Variants in ENKUR observed in about 807,000 individuals in gnomAD.
ENKUR encodes the protein enkurin.
A neutral mutation model predicts 27.6 loss-of-function variants in ENKUR; 19 were observed. The ratio of observed to expected loss-of-function variants is 0.69; its 90% CI spans 0.48 to 1.01. ENKUR has a LOEUF of 1.01. ENKUR is among the 50% of genes least tolerant of loss of function. The pLI, the probability that ENKUR is intolerant of heterozygous loss-of-function variation, is 0.00. For missense variants in ENKUR, 312 were observed against 310.5 expected, an observed-to-expected ratio of 1.00 and a Z score of -0.04; for synonymous variants, 117 against 96.9, an observed-to-expected ratio of 1.21 and a Z score of -1.22.
chr10:24,992,546 C>G (rs1472451127), intron 3 of ENKUR, among the ~76,000 whole-genome samples: 1 of 152,160 alleles, frequency 6.6e-6, no homozygotes, highest in Admixed American at 6.5e-5. Flanking sequence ...CGATAGGAGT[C>G]TTAAGAATTA....
rs71399946 is a variant in ENKUR, at chr10:25,027,357, C to CAAAA, written c.38-31492_38-31489dup. ...GGGTGACAGAGCAAGACTCCCGTCT[C>CAAAA]AAAAAAAAAAAAAAAAAAAAAAAAA... On this transcript the variant is annotated intron_variant, in intron 2 of 5. Transcript: ENST00000615958. 3.5e-3 allele frequency among the ~76,000 whole-genome samples: 168 copies of CAAAA among 48,470 alleles called. 16 individuals carry two copies. Among genetic ancestry groups the CAAAA allele is most frequent in the African/African-American group, 0.014 (126 of 9,244 alleles). 31.8% of individuals were successfully genotyped at this position (48,470 alleles called of 152,430 possible).
chr10:25,049,949 C>T (rs552922666), intron 2 of ENKUR, among the ~76,000 whole-genome samples: 1 of 152,194 alleles, frequency 6.6e-6, no homozygotes, highest in South Asian at 2.1e-4. Flanking sequence ...CATGGTTCTG[C>T]AGGCTGTACA....
intron 2 of ENKUR, among the ~76,000 whole-genome samples, chr10:25,043,185 C>T (rs1851084553): frequency 6.6e-6 from 1 of 151,964 alleles, no homozygotes; most frequent in Non-Finnish European, 1.5e-5. Flanking sequence ...TCTTTTCTCC[C>T]CTTTCTACAC....
At chr10:25,022,311 G>A (rs1850737633) in intron 2 of ENKUR, among the ~76,000 whole-genome samples, 1 of 152,124 alleles carries the variant, frequency 6.6e-6, no homozygotes, top group South Asian at 2.1e-4. Context: ...CATTCCTGAG[G>A]TTCTTGGCTG....
chr10:25,032,322 G>T (rs867189349), intron 2 of ENKUR, among the ~76,000 whole-genome samples: 18 of 148,602 alleles, frequency 1.2e-4, no homozygotes, highest in African/African-American at 4.5e-4. Flanking sequence ...GAAGGGGGGG[G>T]GGCTATGATC....
At chr10:25,048,303 G>T (rs985397103) in intron 2 of ENKUR, among the ~76,000 whole-genome samples, 1 of 152,044 alleles carries the variant, frequency 6.6e-6, no homozygotes, top group African/African-American at 2.4e-5. Flanking sequence ...GTTAGCCTTG[G>T]GTTATAGGGG....
intron 2 of ENKUR, among the ~76,000 whole-genome samples, chr10:25,051,247 G>A (rs1851183937): frequency 6.6e-6 from 1 of 152,156 alleles, no homozygotes. Flanking sequence ...TAGAGAATAA[G>A]CATTTCTACA....
chr10:24,996,558 C>T (rs1164883414), intron 2 of ENKUR, among the ~76,000 whole-genome samples: 1 of 151,996 alleles, frequency 6.6e-6, no homozygotes, highest in East Asian at 1.9e-4. Context: ...TCCCATTGAT[C>T]TATTTTAATA....
At chr10:25,023,684 T>C (rs35827877) in intron 2 of ENKUR, 3 of 1,614,088 alleles carry the variant, frequency 1.9e-6, no homozygotes, top group Non-Finnish European at 2.5e-6. Flanking sequence ...ATTGTATACC[T>C]GGATGTACCT....
intron 2 of ENKUR, among the ~76,000 whole-genome samples, chr10:25,048,179 G>A (rs1851141643): frequency 6.6e-6 from 1 of 152,174 alleles, no homozygotes; most frequent in Non-Finnish European, 1.5e-5. Flanking sequence ...AGGTCATGGG[G>A]TGGAAGTAAG....
At chr10:25,022,498 T>C (rs553878426) in intron 2 of ENKUR, among the ~76,000 whole-genome samples, 1 of 152,342 alleles carries the variant, frequency 6.6e-6, no homozygotes, top group East Asian at 1.9e-4. Context: ...TTTTAAAGCC[T>C]TCAATATGAA....
chr10:25,058,930 TAAAA>T (rs67424973), intron 2 of ENKUR, among the ~76,000 whole-genome samples: 5 of 137,576 alleles, frequency 3.6e-5, no homozygotes, highest in Admixed American at 7.3e-5. Flanking sequence ...GACTCCATCT[TAAAA>T]AAAAAAAAAA....
intron 1 of ENKUR, among the ~76,000 whole-genome samples, chr10:25,007,356 T>C (rs1382155894): frequency 6.6e-6 from 1 of 152,234 alleles, no homozygotes; most frequent in Non-Finnish European, 1.5e-5. Flanking sequence ...TTTATGTATA[T>C]ATGAAATGCC....
intron 1 of ENKUR, among the ~76,000 whole-genome samples, chr10:25,012,973 A>T (rs148193454): frequency 4.6e-5 from 7 of 152,146 alleles, no homozygotes; most frequent in African/African-American, 1.7e-4. Flanking sequence ...GGATCTGGTG[A>T]TAGGTAATTG....
At chr10:25,034,004 T>C (rs182396762) in intron 2 of ENKUR, among the ~76,000 whole-genome samples, 1 of 152,128 alleles carries the variant, frequency 6.6e-6, no homozygotes, top group Admixed American at 6.6e-5. Context: ...CAAATACAGA[T>C]TTAGGAAAAA....
intron 2 of ENKUR, chr10:25,024,641 G>C (rs1850804662): frequency 6.2e-7 from 1 of 1,614,082 alleles, no homozygotes; most frequent in African/African-American, 1.3e-5. Flanking sequence ...TCCATAAACT[G>C]GGGCCGACTA....
chr10:25,049,999 AG>A (rs1851167757), intron 2 of ENKUR, among the ~76,000 whole-genome samples: 1 of 152,118 alleles, frequency 6.6e-6, no homozygotes, highest in African/African-American at 2.4e-5. Context: ...TGAGGGCCTC[AG>A]GAAGCTTCCA....
At chr10:25,024,342 G>T (rs1178637961) in intron 2 of ENKUR, 1 of 1,614,000 alleles carries the variant, frequency 6.2e-7, no homozygotes, top group African/African-American at 1.3e-5. Context: ...GCAATTATAT[G>T]ATACTTGTAG....
At chr10:25,051,652 C>T (rs933357339) in intron 2 of ENKUR, among the ~76,000 whole-genome samples, 7 of 152,178 alleles carry the variant, frequency 4.6e-5, no homozygotes, top group Non-Finnish European at 8.8e-5. Context: ...ATGAGCAATC[C>T]ACCCCCATGA....
Sources: gnomAD v4.1 joint callset for allele counts (sites outside exome capture counted in the v4.1 genomes callset) on GRCh38, gnomAD v4.1.1 for gene constraint, MANE v1.5 for transcripts, NCBI Gene and HGNC (gene_info 2026-07-23, HGNC 2026-07-21) for gene names.